The following RAB12 variants were observed in gnomAD, a reference collection of about 807,000 sequenced individuals.
RAB12 encodes the protein ras-related protein Rab-12.
A neutral mutation model predicts 28.4 loss-of-function variants in RAB12; 11 were observed. The ratio of observed to expected loss-of-function variants is 0.39; its 90% confidence interval spans 0.24 to 0.64. RAB12 has a LOEUF of 0.64. RAB12 is among the 30% of genes least tolerant of loss of function. The pLI is 0.50. For missense variants in RAB12, 276 were observed against 351.1 expected (o/e 0.79, Z 1.71); for synonymous variants, 138 against 145.3 (o/e 0.95, Z 0.36).
chr18:8,638,143 C>T lies in RAB12; in HGVS notation c.910-6C>T, dbSNP rs369554529. ...ACGGATTTTTTTTTGTTTGTTTATACGTTAGATGCCTCTGGATATTTTAAG... is the reference window on the plus strand; with the variant it reads ...ACGGATTTTTTTTTGTTTGTTTATATGTTAGATGCCTCTGGATATTTTAAG... On this transcript the variant is annotated splice_polypyrimidine_tract_variant and splice_region_variant and intron_variant, in intron 5 of 5. Transcript: ENST00000649141. 1,526 of 1,591,208 alleles carry T rather than the reference C, an allele frequency of 9.6e-4. 1 individual carries two copies. Among genetic ancestry groups the T allele is most frequent in the Admixed American group, 1.5e-3 (89 of 59,686 alleles).
chr18:8,620,484 A>G (rs2096009306), intron 1 of RAB12, among the ~76,000 whole-genome samples: 1 of 151,804 alleles, frequency 6.6e-6, no homozygotes, highest in South Asian at 2.1e-4. Flanking sequence ...GTGTTGCTGC[A>G]CACACTCATA....
rs556585610 is a variant in RAB12 at position 8,621,861 on chromosome 18, G to A, written c.515-3077G>A. ...AAACAGGTTCTTAGCCCTATTTACT[G>A]TCGGGTAATCTTTGCTTTGTTTTCC... On this transcript the variant is annotated intron_variant, in intron 1 of 5. Transcript: ENST00000649141. 2.0e-5 allele frequency among the ~76,000 whole-genome samples: 3 copies of A among 152,252 alleles called. No homozygotes were observed. In the South Asian group the frequency reaches 6.2e-4, roughly 32 times the overall value.
At chr18:8,614,607 C>T (rs976012424) in intron 1 of RAB12, among the ~76,000 whole-genome samples, 4 of 151,650 alleles carry the variant, frequency 2.6e-5, no homozygotes, top group African/African-American at 7.3e-5. Flanking sequence ...ATTTTTGAGA[C>T]GAAGTCTCAC....
chr18:8,634,298 T>TC (rs2096017653), intron 3 of RAB12, among the ~76,000 whole-genome samples: 1 of 148,494 alleles, frequency 6.7e-6, no homozygotes, highest in Non-Finnish European at 1.5e-5. Context: ...TTTTTTTTTT[T>TC]TTTTTCATTA....
intron 1 of RAB12, among the ~76,000 whole-genome samples, chr18:8,616,819 C>G (rs1460197363): frequency 6.6e-6 from 1 of 151,830 alleles, no homozygotes; most frequent in Non-Finnish European, 1.5e-5. Context: ...GTCCCAGCTA[C>G]TTGGGAGGCT....
At chr18:8,635,475 G>T in intron 3 of RAB12, 58 bp from the exon 4 acceptor site, 1 of 1,192,202 alleles carries the variant, frequency 8.4e-7, no homozygotes, top group Non-Finnish European at 1.2e-6. Context: ...TTATATTTCT[G>T]CTGTCAGTAT....
At chr18:8,622,827 C>T (rs1025107629) in intron 1 of RAB12, among the ~76,000 whole-genome samples, 2 of 152,156 alleles carry the variant, frequency 1.3e-5, no homozygotes, top group African/African-American at 4.8e-5. Flanking sequence ...CCCCCGCCAC[C>T]CCGTAGACCT....
chr18:8,635,084 A>G (rs2096018122), intron 3 of RAB12: 1 of 152,328 alleles, frequency 6.6e-6, no homozygotes, highest in African/African-American at 2.4e-5. Context: ...CGTCTTGCTT[A>G]TTTTGTGAAT....
chr18:8,617,356 A>T (rs2096007262), intron 1 of RAB12, among the ~76,000 whole-genome samples: 1 of 152,204 alleles, frequency 6.6e-6, no homozygotes, highest in Non-Finnish European at 1.5e-5. Flanking sequence ...AATCTGTTTG[A>T]CAGTCCCTGT....
intron 2 of RAB12, 100 bp downstream of exon 2, chr18:8,625,098 A>C: frequency 1.4e-6 from 1 of 711,456 alleles, no homozygotes; most frequent in Non-Finnish European, 2.4e-6. Context: ...TGCCTCTCCT[A>C]CTTTCTCCTC....
At chr18:8,615,892 C>T (rs2096006423) in intron 1 of RAB12, among the ~76,000 whole-genome samples, 1 of 152,178 alleles carries the variant, frequency 6.6e-6, no homozygotes, top group South Asian at 2.1e-4. Flanking sequence ...GATCCAGATT[C>T]TTAGAGATTG....
Position 8,630,704 on chromosome 18 carries a change from T to C in RAB12, c.576-2485T>C, listed in dbSNP as rs183821901. 1.1e-3 allele frequency among the ~76,000 whole-genome samples: 165 copies of C among 152,338 alleles called. 1 individual carries two copies. The highest frequency in any genetic ancestry group is 8.8e-4 in the Non-Finnish European group (60 of 68,030). ...CTGATTGATGTGCTTACATTCTTCA[T>C]GTGGATGTGGCCAGTGTCAGCCTGG... On this transcript the variant is annotated intron_variant, in intron 2 of 5. Coordinates refer to ENST00000649141, the MANE Select transcript of RAB12 (RefSeq NM_001025300.3).
At chr18:8,611,147 T>G (rs1467708028) in intron 1 of RAB12, among the ~76,000 whole-genome samples, 1 of 152,216 alleles carries the variant, frequency 6.6e-6, no homozygotes, top group Non-Finnish European at 1.5e-5. Context: ...CCATATGTTT[T>G]TAAAATGTTG....
intron 2 of RAB12, among the ~76,000 whole-genome samples, chr18:8,626,475 C>A (rs1200371760): frequency 1.3e-5 from 2 of 152,244 alleles, no homozygotes; most frequent in East Asian, 3.8e-4. Context: ...ATTAATACTT[C>A]CATCTTCATC....
chr18:8,616,653 G>A (rs1056998146), intron 1 of RAB12, among the ~76,000 whole-genome samples: 5 of 151,624 alleles, frequency 3.3e-5, no homozygotes, highest in African/African-American at 4.8e-5. Flanking sequence ...CACACTTGTC[G>A]ATTGGCTAAA....
At chr18:8,636,439 T>C in intron 5 of RAB12, 82 bp downstream of exon 5, 1 of 934,056 alleles carries the variant, frequency 1.1e-6, no homozygotes, top group Admixed American at 2.7e-5. Context: ...GAGAATTTTG[T>C]ATTTAGAAAC....
chr18:8,624,892 T>A (rs1207720559), intron 1 of RAB12, 46 bp from the exon 2 acceptor site: 1 of 1,173,274 alleles, frequency 8.5e-7, no homozygotes, highest in Admixed American at 1.8e-5. Flanking sequence ...TATGACAAAT[T>A]GCATCTTTGT....
intron 1 of RAB12, among the ~76,000 whole-genome samples, chr18:8,613,896 T>C (rs535467945): frequency 5.3e-4 from 80 of 152,248 alleles, no homozygotes; most frequent in African/African-American, 4.8e-4. Flanking sequence ...GAGCACTTAC[T>C]ACACCAGCAG....
intron 3 of RAB12, among the ~76,000 whole-genome samples, chr18:8,633,587 A>G (rs539845862): frequency 1.3e-5 from 2 of 152,306 alleles, no homozygotes; most frequent in South Asian, 4.1e-4. Context: ...TGCTCATTCC[A>G]CTACATCCAG....
Sources: allele counts gnomAD v4.1 joint callset (sites outside exome capture counted in the v4.1 genomes callset), GRCh38; gene constraint gnomAD v4.1.1; transcripts MANE v1.5; gene names NCBI Gene and HGNC (gene_info 2026-07-23, HGNC 2026-07-21).